Variants in GREM2 observed in about 807,000 individuals in gnomAD.
GREM2 encodes gremlin 2, DAN family BMP antagonist, also known as gremlin-2.
In GREM2, 11 loss-of-function variants were observed where a neutral mutation model predicts 14.2. The ratio of observed to expected loss-of-function variants is 0.78; its 90% CI spans 0.49 to 1.28. GREM2 has a LOEUF of 1.28. GREM2 is among the 50% of genes most tolerant of loss of function. The probability of loss-of-function intolerance (pLI) is 0.00; values close to 1 mark genes in which losing one functional copy is unlikely to be tolerated. For synonymous variants in GREM2, 98 were observed against 97.6 expected, an observed-to-expected ratio of 1.00 and a Z score of -0.02; for missense variants, 210 against 218.5, an observed-to-expected ratio of 0.96 and a Z score of 0.24.
intron 1 of GREM2, among the ~76,000 whole-genome samples, chr1:240,509,360 ATTTTTT>A (rs564246660): frequency 0.014 from 1,572 of 112,004 alleles, 36 homozygotes; most frequent in African/African-American, 0.047. Flanking sequence ...AGCTCATTTG[ATTTTTT>A]TTTTTTTTTT....
At chr1:240,609,810 C>G (rs1680098990) in intron 1 of GREM2, among the ~76,000 whole-genome samples, 2 of 152,114 alleles carry the variant, frequency 1.3e-5, no homozygotes, top group African/African-American at 2.4e-5. Context: ...GAGTCTAATA[C>G]CATTCCTTTG....
Position 240,543,751 on chromosome 1 carries a change from A to G in GREM2, c.-1-50275T>C, listed in dbSNP as rs1678652512. Among the ~76,000 whole-genome samples the G allele has an allele frequency of 6.6e-6, 1 of 152,244 alleles. No individual in the cohort carries two copies. Among genetic ancestry groups the G allele is most frequent in the Non-Finnish European group, 1.5e-5 (1 of 68,040 alleles). On this transcript the variant is annotated intron_variant, in intron 1 of 1. Coordinates refer to ENST00000318160, the MANE Select transcript of GREM2 (RefSeq NM_022469.4). The surrounding 1 kb of genome is among the most constrained non-coding windows in gnomAD (Gnocchi z 6.4). ...ACCTACCTTGACATTGATCTTTTAT[A>G]GAAATTACTAAGTAATTATATTTCA...
At chr1:240,521,524 T>C (rs1385247224) in intron 1 of GREM2, among the ~76,000 whole-genome samples, 2 of 151,834 alleles carry the variant, frequency 1.3e-5, no homozygotes, top group Non-Finnish European at 2.9e-5. Context: ...TGAGCCGAGA[T>C]GGCACCACTG....
At chr1:240,611,539 C>T (rs534897034) in intron 1 of GREM2, among the ~76,000 whole-genome samples, 4 of 151,974 alleles carry the variant, frequency 2.6e-5, no homozygotes, top group South Asian at 2.1e-4. Context: ...GTGTTTGCCT[C>T]GCTATAGTCA....
intron 1 of GREM2, among the ~76,000 whole-genome samples, chr1:240,562,922 ATGTGTATG>A (rs1197484783): frequency 2.2e-5 from 3 of 133,926 alleles, no homozygotes; most frequent in Non-Finnish European, 3.2e-5. Context: ...CTGTGAGTGT[ATGTGTATG>A]TGTGTGAGTG....
intron 1 of GREM2, among the ~76,000 whole-genome samples, chr1:240,495,039 A>G (rs1280254952): frequency 2.0e-5 from 3 of 152,384 alleles, no homozygotes; most frequent in Non-Finnish European, 4.4e-5. Flanking sequence ...GACAGAAATT[A>G]TTCTCATGCT....
At chr1:240,527,023 A>G (rs1678239720) in intron 1 of GREM2, among the ~76,000 whole-genome samples, 1 of 152,184 alleles carries the variant, frequency 6.6e-6, no homozygotes, top group Admixed American at 6.5e-5. Context: ...GACTAGTGAG[A>G]TGGCTGAGAA....
intron 1 of GREM2, among the ~76,000 whole-genome samples, chr1:240,548,107 TAAA>T (rs72226155): frequency 2.2e-5 from 3 of 137,476 alleles, no homozygotes; most frequent in Admixed American, 7.3e-5. Context: ...ACTAAAAATT[TAAA>T]AAAAAAAAAA....
intron 1 of GREM2, among the ~76,000 whole-genome samples, chr1:240,507,543 A>G (rs925529785): frequency 1.1e-4 from 17 of 152,026 alleles, no homozygotes; most frequent in Admixed American, 5.9e-4. Context: ...ATGTTGGCCA[A>G]GGTGGTCTCA....
chr1:240,526,647 T>C (rs1358815036), intron 1 of GREM2, among the ~76,000 whole-genome samples: 1 of 152,192 alleles, frequency 6.6e-6, no homozygotes, highest in Admixed American at 6.5e-5. Context: ...CCCCCATCTG[T>C]CTTTGAGGCA....
At chr1:240,595,879 A>G (rs1310399827) in intron 1 of GREM2, among the ~76,000 whole-genome samples, 1 of 152,192 alleles carries the variant, frequency 6.6e-6, no homozygotes, top group Non-Finnish European at 1.5e-5. Flanking sequence ...TTAGAGGCAG[A>G]CAGAAAAAGG....
In GREM2 at chr1:240,534,329, T is replaced by A. The variant is rs532624235; in HGVS notation, c.-1-40853A>T. 3.9e-5 allele frequency among the ~76,000 whole-genome samples: 6 copies of A among 152,294 alleles called. No homozygotes were observed. The South Asian group carries it at 1.2e-3, about 32-fold the overall frequency. ...CATATGTGCTACTCAATAGATTGGA[T>A]TTTATGTCAATTATGAGGAACCCTG... On this transcript the variant is annotated intron_variant, in intron 1 of 1. Transcript: ENST00000318160.
chr1:240,515,326 T>A (rs1677929410), intron 1 of GREM2, among the ~76,000 whole-genome samples: 1 of 152,206 alleles, frequency 6.6e-6, no homozygotes, highest in Non-Finnish European at 1.5e-5. Context: ...CATTCATAGT[T>A]TTGATTATTT....
intron 1 of GREM2, among the ~76,000 whole-genome samples, chr1:240,544,438 C>T (rs966413906): frequency 1.2e-4 from 18 of 152,098 alleles, no homozygotes; most frequent in African/African-American, 1.9e-4. Context: ...TGAGCCACCG[C>T]GCCTGGCCAG....
At chr1:240,601,289 C>A (rs1043738723) in intron 1 of GREM2, among the ~76,000 whole-genome samples, 2 of 152,200 alleles carry the variant, frequency 1.3e-5, no homozygotes, top group African/African-American at 4.8e-5. Flanking sequence ...CAGATAGGAA[C>A]AAAGCCAGGT....
intron 1 of GREM2, among the ~76,000 whole-genome samples, chr1:240,511,243 C>T (rs1425217630): frequency 6.6e-6 from 1 of 152,128 alleles, no homozygotes; most frequent in Non-Finnish European, 1.5e-5. Flanking sequence ...ATAGGTTCCA[C>T]ATCTGCCTAT....
At chr1:240,611,389 G>A (rs1680132000) in intron 1 of GREM2, among the ~76,000 whole-genome samples, 1 of 152,100 alleles carries the variant, frequency 6.6e-6, no homozygotes, top group South Asian at 2.1e-4. Flanking sequence ...TTTCCCTCAT[G>A]AGGCGGGTGC....
At chr1:240,513,968 C>CA (rs1553273065) in intron 1 of GREM2, among the ~76,000 whole-genome samples, 4 of 151,792 alleles carry the variant, frequency 2.6e-5, no homozygotes, top group Non-Finnish European at 4.4e-5. Flanking sequence ...AGAAATAGTC[C>CA]GGTGCGGTGG....
chr1:240,521,520 G>T (rs1397482531), intron 1 of GREM2, among the ~76,000 whole-genome samples: 2 of 152,016 alleles, frequency 1.3e-5, no homozygotes, highest in East Asian at 3.9e-4. Context: ...ACAGTGAGCC[G>T]AGATGGCACC....
Sources: allele counts gnomAD v4.1 joint callset (sites outside exome capture counted in the v4.1 genomes callset), GRCh38; gene constraint gnomAD v4.1.1; non-coding constraint Gnocchi (gnomAD v3.1); transcripts MANE v1.5; gene names NCBI Gene and HGNC (gene_info 2026-07-23, HGNC 2026-07-21).